NCS1: variants seen among roughly 807,000 people sequenced by gnomAD.
NCS1 encodes frequenin homolog.
A neutral mutation model predicts 28.4 loss-of-function variants in NCS1; 6 were observed. The ratio of observed to expected loss-of-function variants is 0.21; its 90% CI spans 0.12 to 0.42. NCS1 has a LOEUF of 0.42. Among genes scored for constraint, NCS1 ranks in the 10% least tolerant of loss-of-function variants. NCS1 has a pLI of 1.00. For synonymous variants in NCS1, 86 were observed against 99.3 expected, an observed-to-expected ratio of 0.87 and a Z score of 0.79; for missense variants, 131 against 241.4, an observed-to-expected ratio of 0.54 and a Z score of 3.03.
In NCS1 at chr9:130,222,610, C is replaced by T. The variant is rs1833347789; in HGVS notation, c.308-40C>T. The T allele has an allele frequency of 2.5e-6, 4 of 1,591,666 alleles. No homozygotes were observed. In the East Asian group the frequency reaches 8.9e-5, roughly 36 times the overall value. ...GCGAGTTGAAGACCCCTCCCCACTG[C>T]CCCAGCCCAGGATCACTCAGCAGTG... On this transcript the variant is annotated intron_variant, in intron 4 of 7. Coordinates refer to ENST00000372398, the MANE Select transcript of NCS1 (RefSeq NM_014286.4).
At chr9:130,222,982 G>A in intron 5 of NCS1, 100 bp from the exon 6 acceptor site, 1 of 902,618 alleles carries the variant, frequency 1.1e-6, no homozygotes, top group Non-Finnish European at 1.8e-6. Context: ...GAGGGGGGCG[G>A]CCCTCATCTG....
At chr9:130,189,909 T>TATATATATATATATATATA (rs1564704684) in intron 1 of NCS1, among the ~76,000 whole-genome samples, 1 of 125,760 alleles carries the variant, frequency 8.0e-6, no homozygotes, top group African/African-American at 3.2e-5. Flanking sequence ...TATATATATA[T>TATATATATATATATATATA]TCCCAAGGTC....
rs1340688754 is a variant in NCS1 at position 130,192,561 on chromosome 9, G to A, written c.65-8397G>A. ...GAGGTCTCAGGAGTTGACCTCTTTC[G>A]TGGGACAGAGAGGGGAGGGTGCGTG... On this transcript the variant is annotated intron_variant, in intron 1 of 7. Coordinates refer to ENST00000372398, the MANE Select transcript of NCS1 (RefSeq NM_014286.4). The surrounding 1 kb of genome is among the most constrained non-coding windows in gnomAD (Gnocchi z 4.8). 6.6e-6 allele frequency among the ~76,000 whole-genome samples: 1 copy of A among 152,124 alleles called. No individual in the cohort carries two copies. Among genetic ancestry groups the A allele is most frequent in the African/African-American group, 2.4e-5 (1 of 41,424 alleles).
At chr9:130,212,217 G>A (rs749285515) in intron 2 of NCS1, among the ~76,000 whole-genome samples, 1 of 152,124 alleles carries the variant, frequency 6.6e-6, no homozygotes, top group East Asian at 1.9e-4. Context: ...CTGAATAGCC[G>A]TTAGAATCAC....
At chr9:130,200,936 A>T in intron 1 of NCS1, 22 bp from the exon 2 acceptor site, 10 of 1,614,172 alleles carry the variant, frequency 6.2e-6, no homozygotes, top group Non-Finnish European at 8.5e-6. Flanking sequence ...CTAAAAGCCT[A>T]CTTTTCTGCT....
chr9:130,190,693 C>G (rs1832805920), intron 1 of NCS1, among the ~76,000 whole-genome samples: 1 of 152,210 alleles, frequency 6.6e-6, no homozygotes, highest in South Asian at 2.1e-4. Flanking sequence ...GCAGGATCAT[C>G]CTTGGGGATG....
intron 7 of NCS1, among the ~76,000 whole-genome samples, chr9:130,228,006 A>C (rs1474601018): frequency 6.6e-6 from 1 of 152,126 alleles, no homozygotes; most frequent in African/African-American, 2.4e-5. Context: ...AAGCTCACTC[A>C]TGTGGTTTGG....
At chr9:130,222,948 G>T in intron 5 of NCS1, 134 bp from the exon 6 acceptor site, 1 of 804,232 alleles carries the variant, frequency 1.2e-6, no homozygotes, top group South Asian at 1.5e-5. Flanking sequence ...AGGGCACAAT[G>T]GCAGGGATGG....
intron 2 of NCS1, among the ~76,000 whole-genome samples, chr9:130,212,483 G>A (rs1588120553): frequency 6.7e-6 from 1 of 149,300 alleles, no homozygotes; most frequent in Admixed American, 6.8e-5. Context: ...GTGCCGGGGT[G>A]GGGAAACCCT....
At chr9:130,182,855 C>T (rs1554905260) in intron 1 of NCS1, among the ~76,000 whole-genome samples, 1 of 152,230 alleles carries the variant, frequency 6.6e-6, no homozygotes, top group African/African-American at 2.4e-5. Flanking sequence ...TGGCTCAGCC[C>T]AGGTGCCTTC....
At chr9:130,216,454 G>A (rs1833190524) in intron 2 of NCS1, among the ~76,000 whole-genome samples, 1 of 152,116 alleles carries the variant, frequency 6.6e-6, no homozygotes, top group Admixed American at 6.6e-5. Context: ...TGTGGCTCAC[G>A]CCTGTAATCC....
rs709611 is a variant in NCS1, at chr9:130,236,080, T to C, written c.*3108T>C. The C allele has an allele frequency of 0.68, 103,636 of 152,214 alleles. 35,973 individuals carry two copies. Among genetic ancestry groups the C allele is most frequent in the East Asian group, 0.8 (4,140 of 5,178 alleles). 9.4% of individuals were successfully genotyped at this position (152,214 alleles called of 1,614,324 possible). ...GTGTCACCCTCTGTACTGACATCTC[T>C]TCCCCTGAAATGCTTTTCAGTTTGA... On this transcript the variant is annotated 3_prime_UTR_variant, in exon 8 of 8. Transcript: ENST00000372398.
chr9:130,221,130 TCTC>T, intron 4 of NCS1, among the ~76,000 whole-genome samples: 1 of 151,726 alleles, frequency 6.6e-6, no homozygotes, highest in African/African-American at 2.4e-5. Context: ...TTCAAGCAAT[TCTC>T]CTGCTTCAGC....
In NCS1 at chr9:130,192,469, C is replaced by T. The variant is rs551905390; in HGVS notation, c.65-8489C>T. Among the ~76,000 whole-genome samples, 14 of 152,078 alleles carry T rather than the reference C, an allele frequency of 9.2e-5. No homozygotes were observed. Among genetic ancestry groups the T allele is most frequent in the East Asian group, 5.8e-4 (3 of 5,156 alleles). On this transcript the variant is annotated intron_variant, in intron 1 of 7. Coordinates refer to ENST00000372398, the MANE Select transcript of NCS1 (RefSeq NM_014286.4). This position sits in a 1 kb window ranked among gnomAD's most constrained non-coding sequence, Gnocchi z 4.8. ...GGGCCTGTCGTTGTGGGAAATGAGG[C>T]GCTCCAGACCCTCATTTACTTGTTG...
chr9:130,211,871 G>A (rs1204587554), intron 2 of NCS1, among the ~76,000 whole-genome samples: 1 of 152,186 alleles, frequency 6.6e-6, no homozygotes, highest in Non-Finnish European at 1.5e-5. Flanking sequence ...GCTGCTTGAG[G>A]TGCCACCAAG....
chr9:130,197,987 C>A (rs1554907026), intron 1 of NCS1, among the ~76,000 whole-genome samples: 1 of 149,294 alleles, frequency 6.7e-6, no homozygotes, highest in Non-Finnish European at 1.5e-5. Context: ...AAAAAAAAGG[C>A]CCTCCAAGGC....
At chr9:130,216,135 G>A (rs189270202) in intron 2 of NCS1, among the ~76,000 whole-genome samples, 18 of 152,172 alleles carry the variant, frequency 1.2e-4, no homozygotes, top group South Asian at 2.1e-4. Flanking sequence ...GGAGGGGGAC[G>A]GTGGCTTTTC....
intron 2 of NCS1, among the ~76,000 whole-genome samples, chr9:130,208,381 C>T (rs1053578728): frequency 4.6e-5 from 7 of 151,892 alleles, no homozygotes; most frequent in African/African-American, 9.7e-5. Flanking sequence ...TGGGTTCAAA[C>T]GATTCTCCTG....
Position 130,177,391 on chromosome 9 carries a change from G to C in NCS1, c.64+4664G>C, listed in dbSNP as rs1697306611. On this transcript the variant is annotated intron_variant, in intron 1 of 7. Transcript: ENST00000372398. The surrounding 1 kb of genome is among the most constrained non-coding windows in gnomAD (Gnocchi z 4.4). ...GGAGACCATCTTGGGACAAAGCTGGGGGTTGTGTGATGGCTGCGTGGGGAC... is the reference window on the plus strand; with the variant it reads ...GGAGACCATCTTGGGACAAAGCTGGCGGTTGTGTGATGGCTGCGTGGGGAC... 6.6e-6 allele frequency among the ~76,000 whole-genome samples: 1 copy of C among 152,208 alleles called. No homozygotes were observed. Among genetic ancestry groups the C allele is most frequent in the Non-Finnish European group, 1.5e-5 (1 of 68,036 alleles).
Sources: gnomAD v4.1 joint callset for allele counts (sites outside exome capture counted in the v4.1 genomes callset) on GRCh38, gnomAD v4.1.1 for gene constraint, Gnocchi (gnomAD v3.1) non-coding constraint, MANE v1.5 for transcripts, NCBI Gene and HGNC (gene_info 2026-07-23, HGNC 2026-07-21) for gene names.